The following SHOC1 variants were observed in gnomAD, a reference collection of about 807,000 sequenced individuals.
SHOC1 encodes the protein shortage in chiasmata 1, also known as protein shortage in chiasmata 1 ortholog.
Under a neutral mutation model 179.2 loss-of-function variants are expected in SHOC1, and 136 were observed. The ratio of observed to expected loss-of-function variants is 0.76; its 90% CI spans 0.66 to 0.87. The LOEUF (loss-of-function observed/expected upper bound fraction) is 0.87, where lower values mean the gene tolerates loss of function less well. Among genes scored for constraint, SHOC1 ranks in the 40% least tolerant of loss-of-function variants. SHOC1 has a pLI of 0.00. For synonymous variants in SHOC1, 489 were observed against 586.6 expected, an observed-to-expected ratio of 0.83 and a Z score of 2.41; for missense variants, 1,538 against 1,700.8, an observed-to-expected ratio of 0.90 and a Z score of 1.68.
At chr9:111,687,941 A>T (rs1831253349) in intron 27 of SHOC1, among the ~76,000 whole-genome samples, 1 of 152,194 alleles carries the variant, frequency 6.6e-6, no homozygotes, top group African/African-American at 2.4e-5. Context: ...TCATGTCTTT[A>T]AAGGCATGTC....
At chr9:111,694,439 TAGA>T (rs1306431576) in intron 24 of SHOC1, 77 bp from the exon 25 acceptor site, 2 of 1,089,168 alleles carry the variant, frequency 1.8e-6, no homozygotes, top group Admixed American at 2.3e-5. Context: ...AGTTTGTAAT[TAGA>T]AGATAAAATT....
chr9:111,758,042 C>T (rs1834947773), intron 7 of SHOC1, 42 bp downstream of exon 7: 1 of 1,035,426 alleles, frequency 9.7e-7, no homozygotes, highest in Non-Finnish European at 1.4e-6. Flanking sequence ...AAATGTGCCT[C>T]ACTACTTTTA....
chr9:111,730,533 G>A (rs146236889), intron 12 of SHOC1, among the ~76,000 whole-genome samples: 127 of 152,314 alleles, frequency 8.3e-4, no homozygotes, highest in African/African-American at 2.7e-3. Flanking sequence ...GACCAGGTAT[G>A]CTGTCAATGA....
intron 9 of SHOC1, 111 bp from the exon 10 acceptor site, chr9:111,746,453 T>TCTAA: frequency 1.7e-6 from 1 of 604,990 alleles, no homozygotes; most frequent in East Asian, 3.0e-5. Flanking sequence ...GGTAGGAGGA[T>TCTAA]CACTTGAGTC....
rs368950651 is a variant in SHOC1 at position 111,748,217 on chromosome 9, C to G, written c.863-18G>C. The G allele has an allele frequency of 6.7e-4, 1,019 of 1,519,266 alleles. 1 individual carries two copies. Among genetic ancestry groups the G allele is most frequent in the South Asian group, 1.9e-3 (166 of 88,002 alleles). The allele number at this position is 1,519,266 out of a possible 1,614,324, so 94.1% of individuals were successfully genotyped here. A position where few individuals can be genotyped will look rare whatever the true frequency, so the allele number is the denominator to read the frequency against. On this transcript the variant is annotated intron_variant, in intron 8 of 27. Transcript: ENST00000682961. ...AGTAAGATCTGAAAAGGAAGAAACT[C>G]TGTTATTAGCAAATGTACCATTAAA... is the stretch of plus-strand genomic sequence containing the variant.
intron 3 of SHOC1, among the ~76,000 whole-genome samples, chr9:111,784,300 T>C (rs1276380219): frequency 6.6e-6 from 1 of 152,216 alleles, no homozygotes. Flanking sequence ...GGCACTGTCA[T>C]CTACCTGGTT....
At chr9:111,731,270 C>T (rs568500351) in intron 12 of SHOC1, among the ~76,000 whole-genome samples, 1 of 152,284 alleles carries the variant, frequency 6.6e-6, no homozygotes, top group Non-Finnish European at 1.5e-5. Context: ...TTTTCCTTTG[C>T]ATTCACAACT....
chr9:111,785,264 C>T (rs10981072), intron 3 of SHOC1, among the ~76,000 whole-genome samples: 4,788 of 151,700 alleles, frequency 0.032, 108 homozygotes, highest in Non-Finnish European at 0.047. Flanking sequence ...TCCCTACTCC[C>T]GCAATTTCAT....
In SHOC1 at chr9:111,727,969, G is replaced by T; in HGVS notation, c.1498C>A (p.Gln500Lys). ...KSTNAHLSLP[Q>K]KSPSLAKEVP... Reference sequence around the variant, plus strand: ...TCTTTTGCCAGAGATGGACTCTTTTGTGGAAGTGATAAATGAGCATTTGTA... The same window carrying T: ...TCTTTTGCCAGAGATGGACTCTTTTTTGGAAGTGATAAATGAGCATTTGTA... The change falls in exon 13 of 28, where the codon CAA (glutamine) becomes AAA (lysine). Residue 500 changes from glutamine (Q) to lysine (K), a missense_variant. Coordinates refer to ENST00000682961, the MANE Select transcript of SHOC1 (RefSeq NM_001378211.1). 2.5e-6 allele frequency: 4 copies of T among 1,612,132 alleles called. No individual in the cohort carries two copies. The highest frequency in any genetic ancestry group is 3.4e-6 in the Non-Finnish European group (4 of 1,179,242).
chr9:111,694,087 G>T, intron 25 of SHOC1, 139 bp from the exon 26 acceptor site: 2 of 1,065,534 alleles, frequency 1.9e-6, no homozygotes, highest in South Asian at 1.7e-5. Context: ...TATTCTACTC[G>T]TTGCAGCAGA....
At chr9:111,703,366 G>A (rs1441923146) in intron 22 of SHOC1, among the ~76,000 whole-genome samples, 4 of 151,996 alleles carry the variant, frequency 2.6e-5, no homozygotes, top group Non-Finnish European at 5.9e-5. Context: ...TTGGTTCTCC[G>A]ATCAAGCAAA....
chr9:111,699,050 G>A (rs1564106595), intron 24 of SHOC1, among the ~76,000 whole-genome samples: 1 of 152,162 alleles, frequency 6.6e-6, no homozygotes, highest in Non-Finnish European at 1.5e-5. Context: ...TTATAGTCTA[G>A]TGAGTGAAAT....
At chr9:111,728,815 G>A (rs146749522) in intron 12 of SHOC1, among the ~76,000 whole-genome samples, 51 of 152,264 alleles carry the variant, frequency 3.3e-4, no homozygotes, top group African/African-American at 1.2e-3. Flanking sequence ...CAATTGTATG[G>A]TATGTGAAAT....
intron 5 of SHOC1, among the ~76,000 whole-genome samples, chr9:111,769,975 G>GTTTTTTTTTTTTTTTTTTTTTTTTT: frequency 3.4e-5 from 3 of 87,806 alleles, no homozygotes; most frequent in South Asian, 3.9e-4. Flanking sequence ...TTTATCTTCT[G>GTTTTTTTTTTTTTTTTTTTTTTTTT]TTTTTTTTTT....
At chr9:111,729,412 G>T (rs944099603) in intron 12 of SHOC1, among the ~76,000 whole-genome samples, 1 of 152,198 alleles carries the variant, frequency 6.6e-6, no homozygotes, top group Non-Finnish European at 1.5e-5. Context: ...CGGCTAGGGG[G>T]TCTTGTCTCA....
intron 22 of SHOC1, among the ~76,000 whole-genome samples, chr9:111,703,617 A>C (rs1832091013): frequency 6.6e-6 from 1 of 152,244 alleles, no homozygotes; most frequent in Non-Finnish European, 1.5e-5. Context: ...TTATTCTATA[A>C]ATATACTTAA....
At chr9:111,738,221 C>T in intron 12 of SHOC1, 59 bp downstream of exon 12, 2 of 1,450,434 alleles carry the variant, frequency 1.4e-6, no homozygotes, top group Non-Finnish European at 1.9e-6. Context: ...AATCCAGAAT[C>T]TAACATTTTC....
intron 15 of SHOC1, among the ~76,000 whole-genome samples, chr9:111,722,114 A>G (rs1382662085): frequency 3.3e-5 from 5 of 152,192 alleles, no homozygotes; most frequent in African/African-American, 1.2e-4. Flanking sequence ...GAGGAGACTG[A>G]GTGGTTCATA....
chr9:111,705,364 C>A lies in SHOC1; in HGVS notation c.2738G>T (p.Arg913Ile), dbSNP rs1832213811. The change falls in exon 21 of 28, where the codon AGA (arginine) becomes ATA (isoleucine). Residue 913 changes from arginine to isoleucine, a missense_variant and splice_region_variant. Coordinates refer to ENST00000682961, the MANE Select transcript of SHOC1 (RefSeq NM_001378211.1). ...KVILPDTVLE[R>I]STLLDRFGGF... ...TCCAAATCTATCCAGCAAGGTGCTT[C>A]CTAAATAAGAGAAAATTTATAAATA... 6.9e-6 allele frequency: 10 copies of A among 1,448,524 alleles called. No individual in the cohort carries two copies. The highest frequency in any genetic ancestry group is 9.2e-6 in the Non-Finnish European group (10 of 1,084,722). 89.7% of individuals were successfully genotyped at this position (1,448,524 alleles called of 1,614,324 possible). A position where few individuals can be genotyped will look rare whatever the true frequency, so the allele number is the denominator to read the frequency against.
Sources: allele counts gnomAD v4.1 joint callset (sites outside exome capture counted in the v4.1 genomes callset), GRCh38; gene constraint gnomAD v4.1.1; transcripts MANE v1.5; gene names NCBI Gene and HGNC (gene_info 2026-07-23, HGNC 2026-07-21).